The following HYAL1 variants were observed in gnomAD, a reference collection of about 807,000 sequenced individuals.
The protein encoded by HYAL1 is hyaluronidase-1.
Under a neutral mutation model 28.8 loss-of-function variants are expected in HYAL1, and 21 were observed. That is an observed-to-expected ratio of 0.73 (90% confidence interval 0.52 to 1.05). The LOEUF is 1.05. HYAL1 is among the 50% of genes least tolerant of loss of function. The pLI, the probability that HYAL1 is intolerant of heterozygous loss-of-function variation, is 0.00. For missense variants in HYAL1, 491 were observed against 579.2 expected, an observed-to-expected ratio of 0.85 and a Z score of 1.56; for synonymous variants, 200 against 230.1, an observed-to-expected ratio of 0.87 and a Z score of 1.18.
At chr3:50,305,682 C>T (rs587770127), upstream of HYAL1, among the ~76,000 whole-genome samples, 15 of 151,154 alleles carry the variant, frequency 9.9e-5, no homozygotes, top group South Asian at 2.7e-3. Context: ...ACTACAGGCG[C>T]GTGCCACCAC....
rs1055668304 is a variant in HYAL1 at position 50,299,989 on chromosome 3, C to T, written c.*494G>A. The T allele has an allele frequency of 8.7e-6, 2 of 229,014 alleles. No homozygotes were observed. The highest frequency in any genetic ancestry group is 4.5e-5 in the African/African-American group (2 of 44,236). 14.2% of individuals were successfully genotyped at this position (229,014 alleles called of 1,614,324 possible). The stretch of plus-strand genomic sequence containing the variant: ...CACAAACTCAGTAGGAGTGCAAGGG[C>T]TGTACCCCCGGAGCTAGACAGCCTG... On this transcript the variant is annotated 3_prime_UTR_variant, in exon 4 of 4. Coordinates refer to ENST00000395144, the MANE Select transcript of HYAL1 (RefSeq NM_033159.4).
In HYAL1 at chr3:50,300,369, A is replaced by C; in HGVS notation, c.*114T>G. The C allele has an allele frequency of 1.9e-6, 2 of 1,028,218 alleles. No individual in the cohort carries two copies. The highest frequency in any genetic ancestry group is 3.0e-6 in the Non-Finnish European group (2 of 656,956). 63.7% of individuals were successfully genotyped at this position (1,028,218 alleles called of 1,614,324 possible). On this transcript the variant is annotated 3_prime_UTR_variant, in exon 4 of 4. Transcript: ENST00000395144. ...GGGAATATGCCTGTGACAGTGGCTG[A>C]GTGTACTCTTTACTGTGACCATGAC...
At chr3:50,304,296 A>AAAAAAAAT (rs1553713686), upstream of HYAL1, among the ~76,000 whole-genome samples, 25 of 30,470 alleles carry the variant, frequency 8.2e-4, 1 homozygote, top group East Asian at 2.4e-3. Context: ...AAAAAAAAAA[A>AAAAAAAAT]ATATATATAT....
chr3:50,302,210 G>A lies in HYAL1; in HGVS notation c.747C>T (p.Pro249=), dbSNP rs139187462. 20 of 1,614,016 alleles carry A rather than the reference G, an allele frequency of 1.2e-5. No individual in the cohort carries two copies. Among genetic ancestry groups the A allele is most frequent in the Admixed American group, 1.7e-5 (1 of 60,008 alleles). The stretch of plus-strand genomic sequence containing the variant: ...ACTTCCCTGTGCCCTCCAGCACTGC[G>A]GGCATGTAGATGCTGGGATAGAGGG... The part of the protein sequence containing the change: ...SRALYPSIYM[P]AVLEGTGKSQ... Residue 249 remains proline, a synonymous_variant, in exon 2 of 4, where the codon CCC becomes CCT. Transcript: ENST00000395144. This position sits in a 1 kb window ranked among gnomAD's most constrained non-coding sequence, Gnocchi z 5.0.
At position 50,302,798 on chromosome 3, in the gene HYAL1, G is replaced by A. The variant is rs1428586805; in HGVS notation, c.159C>T (p.Val53=). The A allele has an allele frequency of 6.8e-6, 11 of 1,613,958 alleles. No individual in the cohort carries two copies. The highest frequency in any genetic ancestry group is 1.3e-5 in the African/African-American group (1 of 74,934). Residue 53 remains valine (V), a synonymous_variant, in exon 2 of 4, where the codon GTC becomes GTT. Coordinates refer to ENST00000395144, the MANE Select transcript of HYAL1 (RefSeq NM_033159.4). This position sits in a 1 kb window ranked among gnomAD's most constrained non-coding sequence, Gnocchi z 5.0. The part of the protein sequence containing the change: ...CLERHGVDVD[V]SVFDVVANPG... ...GGTTGGCTACCACATCGAAGACACT[G>A]ACATCCACGTCCACACCGTGCCTCT...
At chr3:50,311,076 C>T (rs1702437126) in intron 1 of HYAL1, among the ~76,000 whole-genome samples, 1 of 152,120 alleles carries the variant, frequency 6.6e-6, no homozygotes, top group Non-Finnish European at 1.5e-5. Context: ...TCCACAAAAC[C>T]GCCATTGTCA....
upstream of HYAL1, among the ~76,000 whole-genome samples, chr3:50,305,274 C>T (rs1445992243): frequency 3.9e-5 from 6 of 152,288 alleles, no homozygotes; most frequent in East Asian, 7.7e-4. Context: ...GACGGAGTCT[C>T]GCTCTGTCGC....
Position 50,300,616 on chromosome 3 carries a change from G to C in HYAL1, c.1175C>G (p.Thr392Arg), listed in dbSNP as rs117179004. Residue 392 changes from threonine to arginine, a missense_variant, in exon 4 of 4, where the codon ACG becomes AGG. Physicochemically the swap from Thr to Arg is moderately conservative, Grantham distance 71 (BLOSUM62 -1). Coordinates refer to ENST00000395144, the MANE Select transcript of HYAL1 (RefSeq NM_033159.4). ...CAGGCTCAGGGGCCCACCACCAGGC[G>C]TGAGCTGGATGGAGAAACTGGCAGG... ...LNPASFSIQL[T>R]PGGGPLSLRG... is the part of the protein sequence containing the mutation. 6.2e-6 allele frequency: 10 copies of C among 1,614,200 alleles called. No homozygotes were observed. The highest frequency in any genetic ancestry group is 8.5e-6 in the Non-Finnish European group (10 of 1,180,036).
chr3:50,300,968 C>A lies in HYAL1; in HGVS notation c.990+20G>T, dbSNP rs1313970973. ...CCCACCCCTCCCCCACCCCCACCCT[C>A]ATGCCAGGCCTAAGCTCACCTTGGT... On this transcript the variant is annotated intron_variant, in intron 3 of 3. Coordinates refer to ENST00000395144, the MANE Select transcript of HYAL1 (RefSeq NM_033159.4). 1.1e-5 allele frequency: 7 copies of A among 644,066 alleles called. No homozygotes were observed. Among genetic ancestry groups the A allele is most frequent in the African/African-American group, 9.8e-5 (5 of 51,142 alleles). The allele number at this position is 644,066 out of a possible 1,614,324, so 39.9% of individuals were successfully genotyped here. A position where few individuals can be genotyped will look rare whatever the true frequency, so the allele number is the denominator to read the frequency against.
intron 1 of HYAL1, among the ~76,000 whole-genome samples, chr3:50,310,217 C>CT (rs1270719772): frequency 6.9e-6 from 1 of 144,434 alleles, no homozygotes; most frequent in Admixed American, 6.9e-5. Context: ...TTTTTTCCTT[C>CT]TTTTTTTTCA....
chr3:50,309,465 A>G (rs1202921828), intron 2 of HYAL1, among the ~76,000 whole-genome samples: 1 of 149,704 alleles, frequency 6.7e-6, no homozygotes, highest in African/African-American at 2.5e-5. Flanking sequence ...CTCCACCAAA[A>G]AAAAAAAAAA....
rs782655370 is a variant in HYAL1, at chr3:50,302,165, G to C, written c.792C>G (p.His264Gln). ...CCACACGGAATGCCTCGGCCACACG[G>C]TGTTGCACATACATCTGTGACTTCC... ...GTGKSQMYVQ[H>Q]RVAEAFRVAV... The change falls in exon 2 of 4, where the codon CAC becomes CAG. Residue 264 changes from histidine (H) to glutamine (Q), a missense_variant. His to Gln is a conservative substitution (Grantham distance 24). Transcript: ENST00000395144. The surrounding 1 kb of genome is among the most constrained non-coding windows in gnomAD (Gnocchi z 5.0). 33 of 1,614,098 alleles carry C rather than the reference G, an allele frequency of 2.0e-5. No individual in the cohort carries two copies. Among genetic ancestry groups the C allele is most frequent in the Non-Finnish European group, 2.8e-5 (33 of 1,180,044 alleles).
Position 50,300,162 on chromosome 3 carries a change from G to A in HYAL1, c.*321C>T, listed in dbSNP as rs1394397120. The A allele has an allele frequency of 4.8e-6, 2 of 414,544 alleles. No individual in the cohort carries two copies. The highest frequency in any genetic ancestry group is 9.0e-6 in the Non-Finnish European group (2 of 221,236). 25.7% of individuals were successfully genotyped at this position (414,544 alleles called of 1,614,324 possible). On this transcript the variant is annotated 3_prime_UTR_variant, in exon 4 of 4. Coordinates refer to ENST00000395144, the MANE Select transcript of HYAL1 (RefSeq NM_033159.4). ...CGCTTAGCACGGGGATTGGCAAAGA[G>A]TAGGCACTCAGTGAATGTCAGCCTT... is the stretch of plus-strand genomic sequence containing the variant.
intron 1 of HYAL1, among the ~76,000 whole-genome samples, chr3:50,311,202 C>G (rs1209082363): frequency 1.3e-5 from 2 of 148,996 alleles, no homozygotes; most frequent in African/African-American, 4.9e-5. Context: ...CCTCACCTCC[C>G]GGACGGGGTG....
upstream of HYAL1, chr3:50,303,731 G>A (rs1559821975): frequency 1.3e-5 from 2 of 152,284 alleles, no homozygotes; most frequent in African/African-American, 4.8e-5. Flanking sequence ...GGTGGGGCTG[G>A]GCCAACAGTG....
intron 2 of HYAL1, among the ~76,000 whole-genome samples, chr3:50,301,625 A>C (rs1553712909): frequency 2.0e-5 from 3 of 149,046 alleles, no homozygotes; most frequent in South Asian, 2.1e-4. Flanking sequence ...CAAAAAAAAA[A>C]AAAAAAAAAG....
intron 3 of HYAL1, 49 bp downstream of exon 3, chr3:50,300,939 T>TGGGGGGG (rs1702120315): frequency 3.9e-5 from 37 of 959,302 alleles, no homozygotes; most frequent in Non-Finnish European, 5.8e-5. Flanking sequence ...GTCAGCTTAA[T>TGGGGGGG]GGCCCCACCC....
chr3:50,300,458 TATGTGCAACTCA>T lies in HYAL1; in HGVS notation c.*13_*24del. On this transcript the variant is annotated 3_prime_UTR_variant, in exon 4 of 4. Transcript: ENST00000395144. Reference sequence around the variant, plus strand: ...GACCCAGAGTGCATTAGGTTCTCAATATGTGCAACTCAGTGTGTGGCCAATCACCACATGCTC... The same window carrying T: ...GACCCAGAGTGCATTAGGTTCTCAATGTGTGTGGCCAATCACCACATGCTC... 1 of 1,612,858 alleles carries T rather than the reference TATGTGCAACTCA, an allele frequency of 6.2e-7. No individual in the cohort carries two copies. The highest frequency in any genetic ancestry group is 8.5e-7 in the Non-Finnish European group (1 of 1,178,954).
At position 50,302,548 on chromosome 3, in the gene HYAL1, A is replaced by AT. The variant is rs1553713258; in HGVS notation, c.408_409insA (p.Trp137MetfsTer25). The AT allele has an allele frequency of 6.2e-7, 1 of 1,614,142 alleles. No homozygotes were observed. Among genetic ancestry groups the AT allele is most frequent in the Admixed American group, 1.7e-5 (1 of 60,024 alleles). ...TCCTTGGTGTCCCAGTTGAAGGCCC[A>AT]GCGTGGGCGCCATGCCTCCCAGTCG... is the stretch of plus-strand genomic sequence containing the variant. On this transcript the variant is annotated frameshift_variant, in exon 2 of 4. Transcript: ENST00000395144. LOFTEE classifies it high-confidence loss of function. The surrounding 1 kb of genome is among the most constrained non-coding windows in gnomAD (Gnocchi z 5.0).
Sources: allele counts gnomAD v4.1 joint callset (sites outside exome capture counted in the v4.1 genomes callset), GRCh38; gene constraint gnomAD v4.1.1; non-coding constraint Gnocchi (gnomAD v3.1); transcripts MANE v1.5; gene names NCBI Gene and HGNC (gene_info 2026-07-23, HGNC 2026-07-21).